The following TLR4 variants were observed in gnomAD, a reference collection of about 807,000 sequenced individuals.
TLR4 encodes the protein toll-like receptor 4.
In TLR4, 17 loss-of-function variants were observed where a neutral mutation model predicts 27.4. The ratio of observed to expected loss-of-function variants is 0.62; its 90% CI spans 0.42 to 0.93. The LOEUF is 0.93. Ranked by LOEUF, TLR4 falls within the 40% of genes least tolerant of loss-of-function variation. The pLI, the probability that TLR4 is intolerant of heterozygous loss-of-function variation, is 0.00. For missense variants in TLR4, 926 were observed against 962.3 expected (o/e 0.96, Z 0.50); for synonymous variants, 363 against 365.7 (o/e 0.99, Z 0.08).
Position 117,713,808 on chromosome 9 carries a change from A to G in TLR4, c.1680A>G (p.Lys560=). The G allele has an allele frequency of 6.2e-7, 1 of 1,613,988 alleles. No homozygotes were observed. Among genetic ancestry groups the G allele is most frequent in the African/African-American group, 1.3e-5 (1 of 75,060 alleles). The change falls in exon 3 of 3, where the codon AAA becomes AAG. Residue 560 remains lysine (K), a synonymous_variant. Coordinates refer to ENST00000355622, the MANE Select transcript of TLR4 (RefSeq NM_138554.5). ...DYSLNHIMTS[K]KQELQHFPSS... ...GTCTCAATCACATAATGACTTCCAA[A>G]AAACAGGAACTACAGCATTTTCCAA...
At position 117,716,062 on chromosome 9, in the gene TLR4, T is replaced by C. The variant is rs1829341841; in HGVS notation, c.*1414T>C. On this transcript the variant is annotated 3_prime_UTR_variant, in exon 3 of 3. Transcript: ENST00000355622. ...GAATGGCTACTATAAAAAAATGAAG[T>C]GTCATCAAGGATATAGAGAAATTGG... 6.6e-6 allele frequency: 1 copy of C among 151,970 alleles called. No individual in the cohort carries two copies. Among genetic ancestry groups the C allele is most frequent in the African/African-American group, 2.4e-5 (1 of 41,362 alleles). 9.4% of individuals were successfully genotyped at this position (151,970 alleles called of 1,614,324 possible).
chr9:117,723,922 C>T lies in TLR4; in HGVS notation c.*9274C>T, dbSNP rs1261276867. The T allele has an allele frequency of 6.6e-6, 1 of 152,180 alleles. No homozygotes were observed. The highest frequency in any genetic ancestry group is 1.5e-5 in the Non-Finnish European group (1 of 68,042). The allele number at this position is 152,180 out of a possible 1,614,324, so 9.4% of individuals were successfully genotyped here. ...CAGAGGTACCATTCGACCCCTTGTGCCTCTTACCATATGTGAATGCTTGTC... is the reference window on the plus strand; with the variant it reads ...CAGAGGTACCATTCGACCCCTTGTGTCTCTTACCATATGTGAATGCTTGTC... On this transcript the variant is annotated 3_prime_UTR_variant, in exon 3 of 3. Coordinates refer to ENST00000355622, the MANE Select transcript of TLR4 (RefSeq NM_138554.5).
chr9:117,712,824 T>G lies in TLR4; in HGVS notation c.696T>G (p.Thr232=). 1 of 1,614,002 alleles carries G rather than the reference T, an allele frequency of 6.2e-7. No homozygotes were observed. ...AFKEIRLHKL[T]LRNNFDSLNV... ...AAGAAATTAGGCTTCATAAGCTGAC[T>G]TTAAGAAATAATTTTGATAGTTTAA... The change falls in exon 3 of 3, where the codon ACT becomes ACG. Residue 232 remains threonine, a synonymous_variant. Transcript: ENST00000355622.
Position 117,708,348 on chromosome 9 carries a change from C to G in TLR4, c.94-215C>G, listed in dbSNP as rs1829171317. On this transcript the variant is annotated intron_variant, in intron 1 of 2. Coordinates refer to ENST00000355622, the MANE Select transcript of TLR4 (RefSeq NM_138554.5). Reference sequence around the variant, plus strand: ...GAATGCTGAGCACGTAGTAGGTGCTCTTTACTTTCTAATCTAGAGTAAGAC... The same window carrying G: ...GAATGCTGAGCACGTAGTAGGTGCTGTTTACTTTCTAATCTAGAGTAAGAC... The G allele has an allele frequency of 6.6e-6, 9 of 1,373,668 alleles. No homozygotes were observed. The South Asian group carries it at 1.4e-4, about 21-fold the overall frequency. The allele number at this position is 1,373,668 out of a possible 1,614,324, so 85.1% of individuals were successfully genotyped here.
intron 1 of TLR4, 118 bp from the exon 2 acceptor site, chr9:117,708,445 G>T (rs1165658171): frequency 6.3e-7 from 1 of 1,586,980 alleles, no homozygotes; most frequent in Non-Finnish European, 8.6e-7. Flanking sequence ...TGGATGAAAG[G>T]TTGACTGAAT....
In TLR4 at chr9:117,713,555, T is replaced by G. The variant is rs1829282007; in HGVS notation, c.1427T>G (p.Leu476Trp). The G allele has an allele frequency of 3.7e-6, 6 of 1,614,104 alleles. No individual in the cohort carries two copies. The highest frequency in any genetic ancestry group is 5.1e-6 in the Non-Finnish European group (6 of 1,180,004). The change falls in exon 3 of 3, where the codon TTG becomes TGG. Residue 476 changes from leucine to tryptophan, a missense_variant. By Grantham distance (61) the Leu-to-Trp change is moderately conservative. Transcript: ENST00000355622. ...IFNGLSSLEV[L>W]KMAGNSFQEN... is the part of the protein sequence containing the mutation. ...AATGGCTTGTCCAGTCTCGAAGTCT[T>G]GAAAATGGCTGGCAATTCTTTCCAG...
chr9:117,713,522 G>A lies in TLR4; in HGVS notation c.1394G>A (p.Gly465Asp). 1 of 1,614,050 alleles carries A rather than the reference G, an allele frequency of 6.2e-7. No homozygotes were observed. The highest frequency in any genetic ancestry group is 8.5e-7 in the Non-Finnish European group (1 of 1,179,998). Residue 465 changes from glycine to aspartate, a missense_variant, in exon 3 of 3, where the codon GGC becomes GAC. Transcript: ENST00000355622. ...SHTHTRVAFN[G>D]IFNGLSSLEV... ...ACTCACACCAGAGTTGCTTTCAATG[G>A]CATCTTCAATGGCTTGTCCAGTCTC...
Position 117,712,564 on chromosome 9 carries a change from A to C in TLR4, c.436A>C (p.Ile146Leu). 1.2e-6 allele frequency: 2 copies of C among 1,613,976 alleles called. No individual in the cohort carries two copies. The change falls in exon 3 of 3, where the codon ATT (isoleucine) becomes CTT (leucine). Residue 146 changes from isoleucine to leucine, a missense_variant. By Grantham distance (5) the Ile-to-Leu change is conservative. Coordinates refer to ENST00000355622, the MANE Select transcript of TLR4 (RefSeq NM_138554.5). ...TCTAGCATCTCTAGAGAACTTCCCC[A>C]TTGGACATCTCAAAACTTTGAAAGA... Reference protein sequence around the residue: ...TNLASLENFPIGHLKTLKELN... With the variant: ...TNLASLENFPLGHLKTLKELN...
rs374338687 is a variant in TLR4, at chr9:117,710,256, T to A, written c.260+1527T>A. 1.5e-3 allele frequency among the ~76,000 whole-genome samples: 227 copies of A among 152,104 alleles called. No homozygotes were observed. In the Middle Eastern group the frequency reaches 0.02, roughly 14 times the overall value. On this transcript the variant is annotated intron_variant, in intron 2 of 2. Coordinates refer to ENST00000355622, the MANE Select transcript of TLR4 (RefSeq NM_138554.5). ...TAGTAATCCCCAGGGTCTATTTTTGTCATCTTTATGTCCATGTGTACTCCA... is the reference window on the plus strand; with the variant it reads ...TAGTAATCCCCAGGGTCTATTTTTGACATCTTTATGTCCATGTGTACTCCA...
chr9:117,708,477 G>A (rs1829173557), intron 1 of TLR4, 86 bp from the exon 2 acceptor site: 4 of 1,602,598 alleles, frequency 2.5e-6, no homozygotes, highest in African/African-American at 1.3e-5. Context: ...ACAAAAAGAG[G>A]CCCCTCTCCA....
Position 117,713,193 on chromosome 9 carries a change from G to T in TLR4, c.1065G>T (p.Arg355Ser), listed in dbSNP as rs752791152. 2 of 1,613,930 alleles carry T rather than the reference G, an allele frequency of 1.2e-6. No homozygotes were observed. Among genetic ancestry groups the T allele is most frequent in the Admixed American group, 1.7e-5 (1 of 59,988 alleles). ...CATTGAAACTCAAATCTCTCAAAAG[G>T]CTTACTTTCACTTCCAACAAAGGTG... ...FPTLKLKSLK[R>S]LTFTSNKGGN... Residue 355 changes from arginine to serine, a missense_variant, in exon 3 of 3, where the codon AGG becomes AGT. Physicochemically the swap from Arg to Ser is moderately radical, Grantham distance 110. Transcript: ENST00000355622.
chr9:117,717,208 G>C lies in TLR4; in HGVS notation c.*2560G>C, dbSNP rs1829363386. ...TTGAAATGGATGTCTATGGCTGTTT[G>C]AGATGAGTTCTCTACTCTTGTGCTT... On this transcript the variant is annotated 3_prime_UTR_variant, in exon 3 of 3. Transcript: ENST00000355622. 6.6e-6 allele frequency: 1 copy of C among 152,100 alleles called. No individual in the cohort carries two copies. Among genetic ancestry groups the C allele is most frequent in the Non-Finnish European group, 1.5e-5 (1 of 68,014 alleles). 9.4% of individuals were successfully genotyped at this position (152,100 alleles called of 1,614,324 possible). A position where few individuals can be genotyped will look rare whatever the true frequency, so the allele number is the denominator to read the frequency against.
rs200889734 is a variant in TLR4 at position 117,704,553 on chromosome 9, G to A, written c.81G>A (p.Glu27=). Residue 27 remains glutamate (E), a synonymous_variant, in exon 1 of 3, where the codon GAG becomes GAA. Transcript: ENST00000355622. ...FLSCVRPESW[E]PCVEVVPNIT... is the part of the protein sequence containing the mutation. Reference sequence around the variant, plus strand: ...CCTGCGTGAGACCAGAAAGCTGGGAGCCCTGCGTGGAGGTATGTGGCTGGA... The same window carrying A: ...CCTGCGTGAGACCAGAAAGCTGGGAACCCTGCGTGGAGGTATGTGGCTGGA... The A allele has an allele frequency of 3.1e-6, 5 of 1,613,864 alleles. No individual in the cohort carries two copies. Among genetic ancestry groups the A allele is most frequent in the Middle Eastern group, 1.7e-4 (1 of 6,058 alleles).
Position 117,718,477 on chromosome 9 carries a change from A to G in TLR4, c.*3829A>G, listed in dbSNP as rs557779769. 1 of 152,306 alleles carries G rather than the reference A, an allele frequency of 6.6e-6. No individual in the cohort carries two copies. Among genetic ancestry groups the G allele is most frequent in the African/African-American group, 2.4e-5 (1 of 41,572 alleles). The allele number at this position is 152,306 out of a possible 1,614,324, so 9.4% of individuals were successfully genotyped here. A position where few individuals can be genotyped will look rare whatever the true frequency, so the allele number is the denominator to read the frequency against. ...ACAATAGGGTTAATCAATAATAAGT[A>G]GAAAATCTGGACATAGAATAAAAAG... On this transcript the variant is annotated 3_prime_UTR_variant, in exon 3 of 3. Transcript: ENST00000355622.
rs1171326881 is a variant in TLR4, at chr9:117,721,677, A to G, written c.*7029A>G. 6.6e-6 allele frequency: 1 copy of G among 152,202 alleles called. No homozygotes were observed. Among genetic ancestry groups the G allele is most frequent in the African/African-American group, 2.4e-5 (1 of 41,454 alleles). 9.4% of individuals were successfully genotyped at this position (152,202 alleles called of 1,614,324 possible). A position where few individuals can be genotyped will look rare whatever the true frequency, so the allele number is the denominator to read the frequency against. Reference sequence around the variant, plus strand: ...CTTTATTGCTAGAAATTCTGGTTCAATATCAGAGGTTAGTCCTAAGGAATT... The same window carrying G: ...CTTTATTGCTAGAAATTCTGGTTCAGTATCAGAGGTTAGTCCTAAGGAATT... On this transcript the variant is annotated 3_prime_UTR_variant, in exon 3 of 3. Coordinates refer to ENST00000355622, the MANE Select transcript of TLR4 (RefSeq NM_138554.5).
rs1299874874 is a variant in TLR4, at chr9:117,723,791, C to A, written c.*9143C>A. 1.3e-5 allele frequency: 2 copies of A among 152,168 alleles called. No individual in the cohort carries two copies. Among genetic ancestry groups the A allele is most frequent in the Admixed American group, 6.5e-5 (1 of 15,276 alleles). 9.4% of individuals were successfully genotyped at this position (152,168 alleles called of 1,614,324 possible). On this transcript the variant is annotated 3_prime_UTR_variant, in exon 3 of 3. Transcript: ENST00000355622. ...ATCTTAAAGGAGAAGAATACAGTTT[C>A]TCTAAACTCAAGCACTTTTGTGGAC...
chr9:117,705,962 TA>T lies in TLR4; in HGVS notation c.93+1404del, dbSNP rs58887776. Among the ~76,000 whole-genome samples the T allele has an allele frequency of 7.2e-5, 11 of 152,174 alleles. No individual in the cohort carries two copies. The South Asian group carries it at 2.3e-3, about 32-fold the overall frequency. ...CTTTTAAAGTTTTTAGTAGCCTCAT[TA>T]AAAAAAGAAACAAGTGAATTTAATT... On this transcript the variant is annotated intron_variant, in intron 1 of 2. Coordinates refer to ENST00000355622, the MANE Select transcript of TLR4 (RefSeq NM_138554.5).
At chr9:117,708,387 G>T in intron 1 of TLR4, 176 bp from the exon 2 acceptor site, 1 of 1,462,518 alleles carries the variant, frequency 6.8e-7, no homozygotes. Context: ...TTATAAGCAT[G>T]AATTGAGTGA....
chr9:117,712,487 G>A lies in TLR4; in HGVS notation c.359G>A (p.Gly120Glu). 1 of 1,613,838 alleles carries A rather than the reference G, an allele frequency of 6.2e-7. No homozygotes were observed. The highest frequency in any genetic ancestry group is 8.5e-7 in the Non-Finnish European group (1 of 1,179,920). ...TGNPIQSLAL[G>E]AFSGLSSLQK... Reference sequence around the variant, plus strand: ...AACCCCATCCAGAGTTTAGCCCTGGGAGCCTTTTCTGGACTATCAAGTTTA... The same window carrying A: ...AACCCCATCCAGAGTTTAGCCCTGGAAGCCTTTTCTGGACTATCAAGTTTA... Residue 120 changes from glycine to glutamate, a missense_variant, in exon 3 of 3, where the codon GGA becomes GAA. Transcript: ENST00000355622.
Sources: gnomAD v4.1 joint callset for allele counts (sites outside exome capture counted in the v4.1 genomes callset) on GRCh38, gnomAD v4.1.1 for gene constraint, MANE v1.5 for transcripts, NCBI Gene and HGNC (gene_info 2026-07-23, HGNC 2026-07-21) for gene names.